The following TMEM235 variants were observed in gnomAD, a reference collection of about 807,000 sequenced individuals.
The protein encoded by TMEM235 is claudin-27.
TMEM235 carries 23 observed loss-of-function variants against 22.9 expected under a neutral mutation model. The ratio of observed to expected loss-of-function variants is 1.00; its 90% CI spans 0.72 to 1.42. The LOEUF (loss-of-function observed/expected upper bound fraction) is 1.42. Ranked by LOEUF, TMEM235 falls within the 40% of genes most tolerant of loss-of-function variation. TMEM235 has a pLI of 0.00. For missense variants in TMEM235, 308 were observed against 299.5 expected, an observed-to-expected ratio of 1.03 and a Z score of -0.21; for synonymous variants, 137 against 140.5, an observed-to-expected ratio of 0.98 and a Z score of 0.17.
chr17:78,232,350 G>C (rs2076592315), intron 2 of TMEM235, 137 bp downstream of exon 1: 1 of 834,388 alleles, frequency 1.2e-6, no homozygotes, highest in African/African-American at 1.8e-5. Context: ...GCCCCAGGGT[G>C]TCTCTCCGCT....
At chr17:78,239,313 T>G (rs1266636573) in intron 5 of TMEM235, 40 bp downstream of exon 4, 1 of 1,520,282 alleles carries the variant, frequency 6.6e-7, no homozygotes, top group South Asian at 1.2e-5. Flanking sequence ...CTCCCGGGAT[T>G]GGGCGGTCAG....
chr17:78,239,957 T>G (rs1599048885), exon 6 of TMEM235: 1 of 1,549,374 alleles, frequency 6.5e-7, no homozygotes. Context: ...TTTGCAGGGG[T>G]GGGGGGCAAG....
Position 78,238,752 on chromosome 17 carries a change from G to A in TMEM235, c.410-272G>A, listed in dbSNP as rs938616648. Among the ~76,000 whole-genome samples the A allele has an allele frequency of 6.6e-6, 1 of 151,916 alleles. No individual in the cohort carries two copies. Among genetic ancestry groups the A allele is most frequent in the Non-Finnish European group, 1.5e-5 (1 of 67,974 alleles). ...TGGGATGAGGTCTCTGAGGTTTGAG[G>A]ACTGAATTGGAGCCTCTTAAAGCTC... On this transcript the variant is annotated intron_variant, in intron 4 of 5. Transcript: ENST00000421688. This position sits in a 1 kb window ranked among gnomAD's most constrained non-coding sequence, Gnocchi z 4.3.
intron 3 of TMEM235, chr17:78,234,284 CCATT>C (rs1405242987): frequency 1.5e-6 from 1 of 688,026 alleles, no homozygotes; most frequent in African/African-American, 1.8e-5. Context: ...TCCTGGCTCC[CCATT>C]TAGGACTCGA....
At position 78,231,432 on chromosome 17, in the gene TMEM235, C is replaced by T. The variant is rs780928587; in HGVS notation, c.-592C>T. The T allele has an allele frequency of 1.0e-5, 13 of 1,293,444 alleles. No homozygotes were observed. In the South Asian group the frequency reaches 1.4e-4, roughly 14 times the overall value. The allele number at this position is 1,293,444 out of a possible 1,614,324, so 80.1% of individuals were successfully genotyped here. ...AAAACAAGGTTTTTTCCTTCCGCAG[C>T]CCCCCGCCCGGCTGTGGGGCCCAGC... On this transcript the variant is annotated splice_region_variant and 5_prime_UTR_variant, in exon 2 of 6. Coordinates refer to ENST00000421688, the Ensembl canonical transcript of TMEM235.
In TMEM235 at chr17:78,234,131, G is replaced by A; in HGVS notation, c.271+156G>A. On this transcript the variant is annotated intron_variant, in intron 3 of 5. Coordinates refer to ENST00000421688, the Ensembl canonical transcript of TMEM235. ...AGACCTGTCCCAGTGCTGTGCTGCT[G>A]TCCCTAACCACAGGTGCCCAGCTCC... 3 of 743,438 alleles carry A rather than the reference G, an allele frequency of 4.0e-6. No homozygotes were observed. In the Middle Eastern group the frequency reaches 6.9e-4, roughly 171 times the overall value. 46.1% of individuals were successfully genotyped at this position (743,438 alleles called of 1,614,324 possible). A position where few individuals can be genotyped will look rare whatever the true frequency, so the allele number is the denominator to read the frequency against.
chr17:78,233,659 C>T lies in TMEM235; in HGVS notation c.191-236C>T, dbSNP rs1034226044. On this transcript the variant is annotated intron_variant, in intron 2 of 5. Transcript: ENST00000421688. The stretch of plus-strand genomic sequence containing the variant: ...GCAGTGAACCGAGATCGCGCCACTG[C>T]ACTCCAGCCTGGGGTGACAGAGCGA... Among the ~76,000 whole-genome samples the T allele has an allele frequency of 3.8e-4, 56 of 148,702 alleles. 2 individuals carry two copies. Among genetic ancestry groups the T allele is most frequent in the Admixed American group, 1.0e-3 (15 of 14,860 alleles).
exon 2 of TMEM235, chr17:78,231,898 T>A: frequency 3.0e-6 from 3 of 1,002,876 alleles, no homozygotes; most frequent in Non-Finnish European, 2.4e-6. Flanking sequence ...AGCGGGGACG[T>A]GCTCAGAAGA....
exon 3 of TMEM235, chr17:78,233,928 T>C: frequency 6.5e-7 from 1 of 1,535,748 alleles, no homozygotes; most frequent in Non-Finnish European, 8.7e-7. Context: ...GTCGACCCTT[T>C]TGCCAGTGAG....
exon 6 of TMEM235, chr17:78,239,992 C>T (rs1157905449): frequency 6.5e-7 from 1 of 1,541,140 alleles, no homozygotes; most frequent in East Asian, 2.5e-5. Flanking sequence ...AGATGTACCC[C>T]TCTGCCCCCT....
At chr17:78,233,315 AT>A (rs1175685870) in intron 2 of TMEM235, among the ~76,000 whole-genome samples, 4 of 152,198 alleles carry the variant, frequency 2.6e-5, no homozygotes, top group Admixed American at 2.6e-4. Context: ...ACACAAACGC[AT>A]TACAAGGACC....
chr17:78,234,709 G>T (rs1385933356), exon 4 of TMEM235: 6 of 1,535,980 alleles, frequency 3.9e-6, no homozygotes, highest in Non-Finnish European at 5.2e-6. Flanking sequence ...GCTTTTCACC[G>T]GCTGCTACTT....
chr17:78,232,346 G>C, intron 2 of TMEM235, 133 bp downstream of exon 1: 2 of 880,944 alleles, frequency 2.3e-6, no homozygotes, highest in Non-Finnish European at 3.2e-6. Flanking sequence ...CTCTGCCCCA[G>C]GGTGTCTCTC....
At position 78,237,945 on chromosome 17, in the gene TMEM235, C is replaced by T. The variant is rs138480854; in HGVS notation, c.410-1079C>T. ...TGTGTTGTGCCCCTTCACTGGGCAC[C>T]AGTGAGATCCAGACCTGGCCCTGAA... On this transcript the variant is annotated intron_variant, in intron 4 of 5. Coordinates refer to ENST00000421688, the Ensembl canonical transcript of TMEM235. This position sits in a 1 kb window ranked among gnomAD's most constrained non-coding sequence, Gnocchi z 4.7. Among the ~76,000 whole-genome samples the T allele has an allele frequency of 2.7e-3, 417 of 152,300 alleles. 2 individuals are homozygous for T. The highest frequency in any genetic ancestry group is 8.9e-3 in the African/African-American group (368 of 41,572).
chr17:78,231,759 A>G, exon 2 of TMEM235: 2 of 1,227,142 alleles, frequency 1.6e-6, no homozygotes, highest in Non-Finnish European at 2.1e-6. Context: ...TTGGAGCCCA[A>G]GCCCCAGGTT....
rs1454681457 is a variant in TMEM235, at chr17:78,238,890, G to A, written c.410-134G>A. ...CAGGCAGGGCTAACCATGACAGGAA[G>A]GGCGGTGTGCTGCCTGCAGCTCTGC... On this transcript the variant is annotated intron_variant, in intron 4 of 5. Transcript: ENST00000421688. This position sits in a 1 kb window ranked among gnomAD's most constrained non-coding sequence, Gnocchi z 4.3. 3.7e-6 allele frequency: 5 copies of A among 1,350,282 alleles called. No individual in the cohort carries two copies. The highest frequency in any genetic ancestry group is 4.9e-6 in the Non-Finnish European group (5 of 1,016,832). 83.6% of individuals were successfully genotyped at this position (1,350,282 alleles called of 1,614,324 possible). A position where few individuals can be genotyped will look rare whatever the true frequency, so the allele number is the denominator to read the frequency against.
intron 3 of TMEM235, 160 bp from the exon 3 acceptor site, chr17:78,234,433 G>C (rs1457911099): frequency 9.0e-7 from 1 of 1,106,736 alleles, no homozygotes; most frequent in Non-Finnish European, 1.3e-6. Context: ...GCCCCTGCCA[G>C]AGTCAGAGGG....
Position 78,237,557 on chromosome 17 carries a change from G to A in TMEM235, c.410-1467G>A, listed in dbSNP as rs776304613. ...CCGTGTCCTCGGCCAGGCTACAGGAGGCAGCTGGTGTTTGGAGAGGGCTCA... is the reference window on the plus strand; with the variant it reads ...CCGTGTCCTCGGCCAGGCTACAGGAAGCAGCTGGTGTTTGGAGAGGGCTCA... On this transcript the variant is annotated intron_variant, in intron 4 of 5. Coordinates refer to ENST00000421688, the Ensembl canonical transcript of TMEM235. This position sits in a 1 kb window ranked among gnomAD's most constrained non-coding sequence, Gnocchi z 4.7. 1.3e-5 allele frequency among the ~76,000 whole-genome samples: 2 copies of A among 152,136 alleles called. No homozygotes were observed. Among genetic ancestry groups the A allele is most frequent in the Non-Finnish European group, 2.9e-5 (2 of 68,016 alleles).
At position 78,231,591 on chromosome 17, in the gene TMEM235, T is replaced by C. The variant is rs1282325491; in HGVS notation, c.-433T>C. The C allele has an allele frequency of 2.3e-6, 3 of 1,303,466 alleles. No individual in the cohort carries two copies. The African/African-American group carries it at 4.6e-5, about 20-fold the overall frequency. The allele number at this position is 1,303,466 out of a possible 1,614,324, so 80.7% of individuals were successfully genotyped here. A position where few individuals can be genotyped will look rare whatever the true frequency, so the allele number is the denominator to read the frequency against. On this transcript the variant is annotated 5_prime_UTR_variant, in exon 2 of 6. Coordinates refer to ENST00000421688, the Ensembl canonical transcript of TMEM235. ...GGTCCTGCTGCCTGGCCGGCCATCC[T>C]CCTGGGGTCGGTCTCTGGCCGATCC...
Sources: gnomAD v4.1 joint callset for allele counts (sites outside exome capture counted in the v4.1 genomes callset) on GRCh38, gnomAD v4.1.1 for gene constraint, Gnocchi (gnomAD v3.1) non-coding constraint, MANE v1.5 for transcripts, NCBI Gene and HGNC (gene_info 2026-07-23, HGNC 2026-07-21) for gene names.